Variants in PNISR observed in about 807,000 individuals in gnomAD.
PNISR encodes the protein PNN interacting serine and arginine rich protein.
In PNISR, 20 loss-of-function variants were observed where a neutral mutation model predicts 93.4. The observed-to-expected ratio is 0.21, with a 90% CI of 0.15 to 0.31. PNISR has a LOEUF of 0.31. PNISR is among the 10% of genes least tolerant of loss of function. The pLI is 1.00. For synonymous variants in PNISR, 305 were observed against 306.5 expected (o/e 0.99, Z 0.05); for missense variants, 893 against 985.4 (o/e 0.91, Z 1.25).
At chr6:99,409,995 T>C (rs996249517) in intron 5 of PNISR, 1 of 152,232 alleles carries the variant, frequency 6.6e-6, no homozygotes, top group Admixed American at 6.6e-5. Context: ...TATTTATTAA[T>C]GAGAGGATTA....
intron 3 of PNISR, among the ~76,000 whole-genome samples, chr6:99,413,781 T>C (rs1001129937): frequency 5.5e-4 from 7 of 12,636 alleles, no homozygotes; most frequent in Middle Eastern, 0.083. Context: ...GAAGATTAAA[T>C]AGGTATTCTC....
At chr6:99,405,220 T>G (rs1229048496) in intron 8 of PNISR, among the ~76,000 whole-genome samples, 3 of 152,164 alleles carry the variant, frequency 2.0e-5, no homozygotes, top group African/African-American at 7.2e-5. Context: ...ATCCCAGCAC[T>G]TTGGGAGGCC....
chr6:99,422,641 A>C (rs1778713267), intron 1 of PNISR, among the ~76,000 whole-genome samples: 1 of 151,392 alleles, frequency 6.6e-6, no homozygotes, highest in Admixed American at 6.6e-5. Flanking sequence ...TGGCAGGCCA[A>C]GGTGGGTTCA....
At chr6:99,412,165 C>T (rs138335149) in intron 4 of PNISR, 71 of 438,032 alleles carry the variant, frequency 1.6e-4, no homozygotes, top group African/African-American at 1.3e-3. Flanking sequence ...ATTTGTCACA[C>T]AGTGACACAA....
intron 2 of PNISR, 69 bp downstream of exon 2, chr6:99,416,280 A>G: frequency 2.1e-6 from 1 of 484,806 alleles, no homozygotes; most frequent in Non-Finnish European, 3.3e-6. Flanking sequence ...TTCGCTTACA[A>G]CTTTAATTAA....
intron 1 of PNISR, among the ~76,000 whole-genome samples, chr6:99,422,216 G>T (rs1159760340): frequency 6.6e-6 from 1 of 152,188 alleles, no homozygotes; most frequent in African/African-American, 2.4e-5. Flanking sequence ...CTGTGACAGA[G>T]ATGGATGAGA....
chr6:99,415,362 G>C (rs529157684), intron 2 of PNISR: 5 of 152,174 alleles, frequency 3.3e-5, no homozygotes, highest in African/African-American at 7.2e-5. Flanking sequence ...AAAGAAATGA[G>C]ATAAACGGTA....
intron 9 of PNISR, 173 bp from the exon 10 acceptor site, chr6:99,404,055 A>G (rs1775837503): frequency 1.8e-6 from 1 of 570,230 alleles, no homozygotes; most frequent in South Asian, 2.3e-5. Context: ...CTTTGAAATT[A>G]TAACTCTGAT....
At chr6:99,411,604 A>C (rs533809947) in intron 4 of PNISR, 2 of 141,172 alleles carry the variant, frequency 1.4e-5, no homozygotes, top group Non-Finnish European at 3.1e-5. Context: ...AAGTAATCTG[A>C]ATTCTCGTTT....
At chr6:99,414,049 G>C (rs774083337) in intron 3 of PNISR, among the ~76,000 whole-genome samples, 1 of 152,150 alleles carries the variant, frequency 6.6e-6, no homozygotes, top group African/African-American at 2.4e-5. Flanking sequence ...AATAGCATCA[G>C]ATCAATCCAG....
At chr6:99,411,917 C>G (rs560497401) in intron 4 of PNISR, 1 of 189,242 alleles carries the variant, frequency 5.3e-6, no homozygotes, top group East Asian at 1.3e-4. Flanking sequence ...TATGACTTCA[C>G]CATCAGCATA....
intron 1 of PNISR, chr6:99,424,933 G>C: frequency 3.4e-6 from 1 of 291,408 alleles, no homozygotes; most frequent in Non-Finnish European, 6.3e-6. Flanking sequence ...TTTAACGGCC[G>C]GTCAGGAACC....
rs1357317542 is a variant in PNISR, at chr6:99,400,524, T to C, written c.*16A>G. ...AATTTTTTTTAAAAATCAGACAAAA[T>C]ACTTTAAAAAGTATACTACCTTGAT... On this transcript the variant is annotated 3_prime_UTR_variant, in exon 12 of 12. Transcript: ENST00000369239. 1.3e-6 allele frequency: 2 copies of C among 1,584,934 alleles called. No homozygotes were observed. The highest frequency in any genetic ancestry group is 1.2e-5 in the South Asian group (1 of 85,544).
At chr6:99,411,438 T>TA (rs1278301929) in intron 4 of PNISR, among the ~76,000 whole-genome samples, 1 of 152,032 alleles carries the variant, frequency 6.6e-6, no homozygotes, top group Non-Finnish European at 1.5e-5. Context: ...GGTCACAAAG[T>TA]AGAGTAAAAC....
At chr6:99,402,762 A>G (rs1219547819) in intron 10 of PNISR, 52 bp from the exon 11 acceptor site, 1 of 1,357,402 alleles carries the variant, frequency 7.4e-7, no homozygotes, top group South Asian at 1.7e-5. Context: ...ACTATGCACT[A>G]AAAACTTTTC....
Position 99,409,362 on chromosome 6 carries a change from TTTA to T in PNISR, c.502-21_502-19del. 1 of 1,609,226 alleles carries T rather than the reference TTTA, an allele frequency of 6.2e-7. No homozygotes were observed. The highest frequency in any genetic ancestry group is 8.5e-7 in the Non-Finnish European group (1 of 1,178,124). On this transcript the variant is annotated intron_variant, in intron 5 of 11. Transcript: ENST00000369239. The stretch of plus-strand genomic sequence containing the variant: ...GCCCCATGCTGAAAGAGTATTGCAG[TTTA>T]TTTTTTCTTCAAATTAATACAATAT...
intron 1 of PNISR, among the ~76,000 whole-genome samples, chr6:99,423,592 G>T (rs1455010606): frequency 1.3e-5 from 2 of 152,170 alleles, no homozygotes; most frequent in Non-Finnish European, 2.9e-5. Context: ...AGCATGTGTT[G>T]AAAAGGGCAT....
Position 99,412,682 on chromosome 6 carries a change from C to A in PNISR, c.146G>T (p.Gly49Val), listed in dbSNP as rs1777102852. ...TGGTTGTTCTACCATGCTTTGCTGTCCTGAAGCTTCTCTTTGGGCAATCCA... is the reference window on the plus strand; with the variant it reads ...TGGTTGTTCTACCATGCTTTGCTGTACTGAAGCTTCTCTTTGGGCAATCCA... The part of the protein sequence containing the change: ...QAWIAQREAS[G>V]QQSMVEQPPG... The change falls in exon 4 of 12, where the codon GGA (glycine) becomes GTA (valine). Residue 49 changes from glycine (G) to valine (V), a missense_variant. Transcript: ENST00000369239. 6.2e-7 allele frequency: 1 copy of A among 1,610,114 alleles called. No homozygotes were observed. Among genetic ancestry groups the A allele is most frequent in the South Asian group, 1.1e-5 (1 of 90,260 alleles).
chr6:99,411,470 G>C (rs188854896), intron 4 of PNISR, among the ~76,000 whole-genome samples: 170 of 152,188 alleles, frequency 1.1e-3, no homozygotes, highest in African/African-American at 3.9e-3. Context: ...GATGCCCGCG[G>C]GAGTCATTTA....
Sources: gnomAD v4.1 joint callset for allele counts (sites outside exome capture counted in the v4.1 genomes callset) on GRCh38, gnomAD v4.1.1 for gene constraint, MANE v1.5 for transcripts, NCBI Gene and HGNC (gene_info 2026-07-23, HGNC 2026-07-21) for gene names.